MROH1: variants seen among roughly 807,000 people sequenced by gnomAD.
The protein encoded by MROH1 is maestro heat like repeat family member 1, also known as maestro heat-like repeat-containing protein family member 1.
A neutral mutation model predicts 116.5 loss-of-function variants in MROH1; 117 were observed. That is an observed-to-expected ratio of 1.00 (90% CI 0.86 to 1.17). The LOEUF (loss-of-function observed/expected upper bound fraction) is 1.17, where lower values mean the gene tolerates loss of function less well. MROH1 is among the 50% of genes most tolerant of loss of function. The pLI, the probability that MROH1 is intolerant of heterozygous loss-of-function variation, is 0.00. For missense variants in MROH1, 1,873 were observed against 1,338.5 expected (o/e 1.40, Z -6.23); for synonymous variants, 921 against 583.9 (o/e 1.58, Z -8.32).
chr8:144,253,505 GC>G (rs1843183307), intron 33 of MROH1, among the ~76,000 whole-genome samples: 1 of 152,188 alleles, frequency 6.6e-6, no homozygotes, highest in Non-Finnish European at 1.5e-5. Flanking sequence ...CCTCATGGGG[GC>G]CCACAGTGGC....
At chr8:144,220,848 A>G (rs934623600) in intron 13 of MROH1, among the ~76,000 whole-genome samples, 175 bp downstream of exon 13, 4 of 152,082 alleles carry the variant, frequency 2.6e-5, no homozygotes, top group African/African-American at 9.7e-5. Context: ...TGCTTTTCCC[A>G]CATCTCACTC....
chr8:144,176,799 A>G (rs1010571406), intron 4 of MROH1, among the ~76,000 whole-genome samples: 2 of 150,502 alleles, frequency 1.3e-5, no homozygotes, highest in Admixed American at 6.7e-5. Flanking sequence ...ACTGCACTCC[A>G]GCCTGCGCGA....
chr8:144,245,391 T>C, intron 29 of MROH1, 131 bp downstream of exon 29: 3 of 664,416 alleles, frequency 4.5e-6, no homozygotes, highest in Non-Finnish European at 8.2e-6. Context: ...GAGACCTGGA[T>C]TGAGGGCCTG....
At chr8:144,201,444 C>T (rs1047261931) in intron 12 of MROH1, among the ~76,000 whole-genome samples, 11 of 152,160 alleles carry the variant, frequency 7.2e-5, no homozygotes, top group Admixed American at 3.9e-4. Flanking sequence ...GTGGCTCTTC[C>T]GCAGGTCAGT....
chr8:144,168,452 C>G lies in MROH1; in HGVS notation c.168+12C>G. ...GGCAGCATGACAAGGTATGTGTGCTCCTTGGTGGGGATGATGTTGTCAGGG... is the reference window on the plus strand; with the variant it reads ...GGCAGCATGACAAGGTATGTGTGCTGCTTGGTGGGGATGATGTTGTCAGGG... On this transcript the variant is annotated intron_variant, in intron 4 of 43. Transcript: ENST00000326134. 6.3e-7 allele frequency: 1 copy of G among 1,593,376 alleles called. No homozygotes were observed. The highest frequency in any genetic ancestry group is 8.5e-7 in the Non-Finnish European group (1 of 1,169,660).
At chr8:144,248,309 A>G (rs1011651719) in intron 31 of MROH1, among the ~76,000 whole-genome samples, 12 of 150,812 alleles carry the variant, frequency 8.0e-5, no homozygotes, top group South Asian at 6.2e-4. Flanking sequence ...ACGGGGGGGA[A>G]AAAAAGAGTC....
chr8:144,203,932 T>TA (rs1397005788), intron 12 of MROH1, among the ~76,000 whole-genome samples: 1 of 152,220 alleles, frequency 6.6e-6, no homozygotes, highest in Non-Finnish European at 1.5e-5. Context: ...CTTTTCAGCG[T>TA]TCACTTTGTT....
intron 1 of MROH1, among the ~76,000 whole-genome samples, chr8:144,152,025 A>G (rs991678192): frequency 6.6e-6 from 1 of 151,996 alleles, no homozygotes; most frequent in Non-Finnish European, 1.5e-5. Flanking sequence ...TTTCCTGTTT[A>G]TCTCAGGGAT....
At position 144,260,061 on chromosome 8, in the gene MROH1, G is replaced by A. The variant is rs1554834913; in HGVS notation, c.4191+4G>A. 1.9e-5 allele frequency: 14 copies of A among 727,064 alleles called. No individual in the cohort carries two copies. Among genetic ancestry groups the A allele is most frequent in the Admixed American group, 1.3e-4 (7 of 52,904 alleles). The allele number at this position is 727,064 out of a possible 1,614,324, so 45.0% of individuals were successfully genotyped here. ...GGCCTCCGGCTGCCCTGACAAGGTG[G>A]GGTGGCCACCAGCCCCTCTGGGTCC... On this transcript the variant is annotated splice_donor_region_variant and intron_variant, in intron 38 of 43. Coordinates refer to ENST00000326134, the MANE Select transcript of MROH1 (RefSeq NM_032450.3).
In MROH1 at chr8:144,233,065, AG is replaced by A. The variant is rs1177310003; in HGVS notation, c.1339-5690del. On this transcript the variant is annotated intron_variant, in intron 14 of 43. Transcript: ENST00000326134. The stretch of plus-strand genomic sequence containing the variant: ...GGCCAGTCTAGAGCTCCTGGGCTCA[AG>A]AAGTCTTTCTGCCTTGGCCTCCCAA... 2.6e-5 allele frequency among the ~76,000 whole-genome samples: 4 copies of A among 151,422 alleles called. No individual in the cohort carries two copies. In the East Asian group the frequency reaches 7.8e-4, roughly 29 times the overall value.
rs966093098 is a variant in MROH1 at position 144,148,872 on chromosome 8, A to G, written c.-177+796A>G. On this transcript the variant is annotated intron_variant, in intron 1 of 43. Coordinates refer to ENST00000326134, the MANE Select transcript of MROH1 (RefSeq NM_032450.3). ...GGGAAGGGACAGACTCATAAACTCA[A>G]GTGCAGTGAGGTAAGCAGAAAAGGG... The G allele has an allele frequency of 2.8e-3, 431 of 152,650 alleles. 2 individuals are homozygous for G. The highest frequency in any genetic ancestry group is 0.014 in the Middle Eastern group (4 of 296). The allele number at this position is 152,650 out of a possible 1,614,324, so 9.5% of individuals were successfully genotyped here.
chr8:144,244,517 A>G lies in MROH1; in HGVS notation c.2744A>G (p.Gln915Arg), dbSNP rs1841551869. The part of the protein sequence containing the change: ...TSLLQRNMTP[Q>R]GLQIMIEHLS... ...CTCCTGCAGCGGAACATGACCCCCC[A>G]AGGCCTGCAGATCATGATTGAGGTG... Residue 915 changes from glutamine (Q) to arginine (R), a missense_variant, in exon 28 of 44, where the codon CAA becomes CGA. Physicochemically the swap from Gln to Arg is conservative, Grantham distance 43. Coordinates refer to ENST00000326134, the MANE Select transcript of MROH1 (RefSeq NM_032450.3). 3.9e-6 allele frequency: 3 copies of G among 770,334 alleles called. No individual in the cohort carries two copies. Among genetic ancestry groups the G allele is most frequent in the African/African-American group, 1.7e-5 (1 of 58,846 alleles). 47.7% of individuals were successfully genotyped at this position (770,334 alleles called of 1,614,324 possible). A position where few individuals can be genotyped will look rare whatever the true frequency, so the allele number is the denominator to read the frequency against.
chr8:144,195,194 T>TGAAAAAAAAAAAAAAAAAAAAAAAA (rs1829537976), intron 10 of MROH1, among the ~76,000 whole-genome samples: 1 of 1,070 alleles, frequency 9.3e-4, no homozygotes, highest in Non-Finnish European at 2.3e-3. Context: ...GACTGTGTCT[T>TGAAAAAAAAAAAAAAAAAAAAAAAA]TAAAAAAAAA....
chr8:144,244,969 G>A (rs1445536371), intron 28 of MROH1, among the ~76,000 whole-genome samples, 187 bp from the exon 29 acceptor site: 9 of 152,206 alleles, frequency 5.9e-5, no homozygotes, highest in African/African-American at 2.2e-4. Context: ...CAGACTGGAG[G>A]ACAGAGTGGC....
intron 32 of MROH1, 116 bp from the exon 33 acceptor site, chr8:144,250,096 A>C (rs2133151039): frequency 1.4e-6 from 1 of 691,746 alleles, no homozygotes; most frequent in East Asian, 2.7e-5. Context: ...AACCAGCAGT[A>C]TGGAGCTCTG....
intron 12 of MROH1, among the ~76,000 whole-genome samples, chr8:144,206,841 T>G (rs1360061373): frequency 1.3e-5 from 2 of 150,186 alleles, no homozygotes; most frequent in East Asian, 4.2e-4. Context: ...GAGACTAGCC[T>G]GGCCAACATG....
chr8:144,197,275 T>A (rs567958444), intron 10 of MROH1, among the ~76,000 whole-genome samples: 1 of 152,226 alleles, frequency 6.6e-6, no homozygotes, highest in Non-Finnish European at 1.5e-5. Flanking sequence ...CCAAGGCTGT[T>A]CATTCATGTG....
chr8:144,175,519 G>T, intron 4 of MROH1: 4 of 985,454 alleles, frequency 4.1e-6, no homozygotes, highest in Non-Finnish European at 3.6e-6. Flanking sequence ...GTGCTGCCCC[G>T]GCAGTTAATC....
intron 13 of MROH1, among the ~76,000 whole-genome samples, chr8:144,221,682 C>T (rs1836771367): frequency 6.6e-6 from 1 of 152,124 alleles, no homozygotes; most frequent in Admixed American, 6.5e-5. Flanking sequence ...CCCCACCGTA[C>T]CCCTGACAGG....
Sources: gnomAD v4.1 joint callset for allele counts (sites outside exome capture counted in the v4.1 genomes callset) on GRCh38, gnomAD v4.1.1 for gene constraint, MANE v1.5 for transcripts, NCBI Gene and HGNC (gene_info 2026-07-23, HGNC 2026-07-21) for gene names.